The following ANO2 variants were observed in gnomAD, a reference collection of about 807,000 sequenced individuals.
The protein encoded by ANO2 is anoctamin 2, also known as anoctamin-2.
Under a neutral mutation model 124.2 loss-of-function variants are expected in ANO2, and 101 were observed. That is an observed-to-expected ratio of 0.81 (90% CI 0.69 to 0.96). The LOEUF (loss-of-function observed/expected upper bound fraction) is 0.96. Among genes scored for constraint, ANO2 ranks in the 40% least tolerant of loss-of-function variants. ANO2 has a pLI of 0.00. For synonymous variants in ANO2, 486 were observed against 482.5 expected (o/e 1.01, Z -0.09); for missense variants, 1,293 against 1,274.5 (o/e 1.01, Z -0.22).
intron 16 of ANO2, among the ~76,000 whole-genome samples, chr12:5,634,576 T>C (rs1945905887): frequency 6.6e-6 from 1 of 152,172 alleles, no homozygotes; most frequent in Non-Finnish European, 1.5e-5. Context: ...GCAGCTCAAA[T>C]GACACACCTG....
intron 11 of ANO2, among the ~76,000 whole-genome samples, chr12:5,749,948 G>A (rs1465136688): frequency 6.8e-6 from 1 of 147,538 alleles, no homozygotes. Context: ...TTTTTTTTCA[G>A]AGGGGTCTTG....
chr12:5,658,532 A>T lies in ANO2; in HGVS notation c.1546-10731T>A, dbSNP rs1255241953. On this transcript the variant is annotated intron_variant, in intron 14 of 24. Transcript: ENST00000682330. This position sits in a 1 kb window ranked among gnomAD's most constrained non-coding sequence, Gnocchi z 4.3. ...CAATATAATCATCAACATCAATATC[A>T]TCGTATCAAAATCAATATAATCACC... is the stretch of plus-strand genomic sequence containing the variant. Among the ~76,000 whole-genome samples the T allele has an allele frequency of 6.6e-6, 1 of 152,166 alleles. No homozygotes were observed.
intron 3 of ANO2, among the ~76,000 whole-genome samples, chr12:5,873,869 T>C (rs1320093844): frequency 6.6e-6 from 1 of 152,212 alleles, no homozygotes; most frequent in South Asian, 2.1e-4. Flanking sequence ...CCAGGGCTAG[T>C]GGCAGCCTCG....
intron 10 of ANO2, among the ~76,000 whole-genome samples, chr12:5,786,211 T>C (rs1240709726): frequency 6.6e-6 from 1 of 152,152 alleles, no homozygotes; most frequent in East Asian, 1.9e-4. Context: ...AGCTTTAGGA[T>C]TGAGATTCTA....
chr12:5,676,930 T>G (rs1948272708), intron 14 of ANO2, among the ~76,000 whole-genome samples: 1 of 152,178 alleles, frequency 6.6e-6, no homozygotes, highest in East Asian at 1.9e-4. Flanking sequence ...GGTGCACACC[T>G]GTAATCCCAG....
chr12:5,800,898 T>C (rs1335134920), intron 9 of ANO2, among the ~76,000 whole-genome samples: 1 of 152,120 alleles, frequency 6.6e-6, no homozygotes, highest in South Asian at 2.1e-4. Context: ...AGATAGTAAG[T>C]ATAGAAGATG....
chr12:5,922,655 G>A lies in ANO2; in HGVS notation c.172C>T (p.Gln58Ter). Reference protein sequence around the residue: ...LQGGSNRDPGQPCGGESTRSS... With the variant: ...LQGGSNRDPG Reference sequence around the variant, plus strand: ...CGGGTGCTCTCTCCACCGCAGGGCTGGCCAGGATCTCTGTTGGAACCGCCC... The same window carrying A: ...CGGGTGCTCTCTCCACCGCAGGGCTAGCCAGGATCTCTGTTGGAACCGCCC... Residue 58 changes from glutamine to a stop codon, truncating the protein, a stop_gained, in exon 2 of 25, where the codon CAG becomes TAG. Coordinates refer to ENST00000682330, the MANE Select transcript of ANO2 (RefSeq NM_001364791.2). LOFTEE classifies it high-confidence loss of function. 1 of 1,556,778 alleles carries A rather than the reference G, an allele frequency of 6.4e-7. No homozygotes were observed. Among genetic ancestry groups the A allele is most frequent in the Non-Finnish European group, 8.7e-7 (1 of 1,153,206 alleles).
intron 14 of ANO2, among the ~76,000 whole-genome samples, chr12:5,696,233 G>T (rs1162388667): frequency 6.6e-6 from 1 of 152,068 alleles, no homozygotes; most frequent in Non-Finnish European, 1.5e-5. Context: ...ACTGACAAAA[G>T]AGAGAAAATA....
At chr12:5,889,965 A>G (rs1459859263) in intron 3 of ANO2, among the ~76,000 whole-genome samples, 1 of 152,218 alleles carries the variant, frequency 6.6e-6, no homozygotes, top group African/African-American at 2.4e-5. Flanking sequence ...GTGTCTGTAG[A>G]CAAGCAAAAG....
intron 14 of ANO2, among the ~76,000 whole-genome samples, chr12:5,667,373 C>T (rs1250397594): frequency 1.3e-5 from 2 of 152,098 alleles, no homozygotes; most frequent in East Asian, 3.9e-4. Flanking sequence ...GTAGATGGCA[C>T]CTCTCCTGGT....
At chr12:5,809,538 A>C (rs1953318561) in intron 7 of ANO2, among the ~76,000 whole-genome samples, 1 of 152,192 alleles carries the variant, frequency 6.6e-6, no homozygotes, top group Non-Finnish European at 1.5e-5. Context: ...TCATCTGCTA[A>C]TTCTCAGCTG....
chr12:5,695,240 C>T (rs970323917), intron 14 of ANO2, among the ~76,000 whole-genome samples: 2 of 152,098 alleles, frequency 1.3e-5, no homozygotes, highest in African/African-American at 2.4e-5. Flanking sequence ...GAATTAGGCC[C>T]TTTTAACTAC....
rs1419011264 is a variant in ANO2 at position 5,923,198 on chromosome 12, ACG to A, written c.23-396_23-395del. ...CGCACACACACATACACACACACGC[ACG>A]CACACACACCCACATACACACACAC... On this transcript the variant is annotated intron_variant, in intron 1 of 24. Transcript: ENST00000682330. 2.5e-4 allele frequency among the ~76,000 whole-genome samples: 34 copies of A among 137,286 alleles called. 1 individual carries two copies. Among genetic ancestry groups the A allele is most frequent in the African/African-American group, 4.1e-4 (15 of 36,522 alleles). The allele number at this position is 137,286 out of a possible 152,430, so 90.1% of individuals were successfully genotyped here.
chr12:5,680,972 C>T (rs1948463423), intron 14 of ANO2, among the ~76,000 whole-genome samples: 1 of 152,148 alleles, frequency 6.6e-6, no homozygotes, highest in Admixed American at 6.5e-5. Flanking sequence ...AGAAGAGTTC[C>T]TCTGCCCCAA....
At chr12:5,815,767 A>G (rs1214204741) in intron 7 of ANO2, among the ~76,000 whole-genome samples, 7 of 151,984 alleles carry the variant, frequency 4.6e-5, no homozygotes, top group African/African-American at 1.5e-4. Context: ...TTATTTTTCA[A>G]TTTATTTTTA....
At chr12:5,889,122 G>A (rs4764582) in intron 3 of ANO2, among the ~76,000 whole-genome samples, 118,394 of 152,164 alleles carry the variant, frequency 0.78, 47,297 homozygotes, top group Non-Finnish European at 0.87. Flanking sequence ...CACGGCCGGC[G>A]GGCCGGCTGG....
At chr12:5,761,011 TA>T (rs1174163456) in intron 10 of ANO2, among the ~76,000 whole-genome samples, 2 of 134,534 alleles carry the variant, frequency 1.5e-5, no homozygotes, top group African/African-American at 5.6e-5. Flanking sequence ...GGCTCTGTAG[TA>T]AAACTTCATC....
chr12:5,676,203 G>A (rs1366563424), intron 14 of ANO2, among the ~76,000 whole-genome samples: 1 of 152,214 alleles, frequency 6.6e-6, no homozygotes. Context: ...AGATACCAAA[G>A]CAAGAAATAT....
In ANO2 at chr12:5,709,007, G is replaced by A. The variant is rs924451151; in HGVS notation, c.1545+23513C>T. ...AAACATATCTGTCTTATTCACTTTC[G>A]CATCCACAGCTGCTAGCACAGTGGC... is the stretch of plus-strand genomic sequence containing the variant. On this transcript the variant is annotated intron_variant, in intron 14 of 24. Coordinates refer to ENST00000682330, the MANE Select transcript of ANO2 (RefSeq NM_001364791.2). Among the ~76,000 whole-genome samples, 10 of 152,278 alleles carry A rather than the reference G, an allele frequency of 6.6e-5. No homozygotes were observed. The South Asian group carries it at 1.0e-3, about 16-fold the overall frequency.
Sources: gnomAD v4.1 joint callset for allele counts (sites outside exome capture counted in the v4.1 genomes callset) on GRCh38, gnomAD v4.1.1 for gene constraint, Gnocchi (gnomAD v3.1) non-coding constraint, MANE v1.5 for transcripts, NCBI Gene and HGNC (gene_info 2026-07-23, HGNC 2026-07-21) for gene names.